PLXNA1: variants seen among roughly 807,000 people sequenced by gnomAD.
The protein encoded by PLXNA1 is plexin-A1.
PLXNA1 carries 77 observed loss-of-function variants against 191.7 expected under a neutral mutation model. The observed-to-expected ratio is 0.40, with a 90% CI of 0.33 to 0.49. The LOEUF (loss-of-function observed/expected upper bound fraction) is 0.49. Among genes scored for constraint, PLXNA1 ranks in the 20% least tolerant of loss-of-function variants. The pLI is 0.63. For missense variants in PLXNA1, 2,110 were observed against 2,660.2 expected, an observed-to-expected ratio of 0.79 and a Z score of 4.55; for synonymous variants, 1,137 against 1,156.4, an observed-to-expected ratio of 0.98 and a Z score of 0.34.
At chr3:126,999,862 G>A (rs745519454) in intron 3 of PLXNA1, among the ~76,000 whole-genome samples, 12 of 152,150 alleles carry the variant, frequency 7.9e-5, no homozygotes, top group Non-Finnish European at 1.6e-4. Context: ...CATGCCTGGC[G>A]TGGCCTGGGC....
intron 23 of PLXNA1, among the ~76,000 whole-genome samples, chr3:127,024,797 CT>C (rs949858897): frequency 9.9e-5 from 15 of 152,162 alleles, no homozygotes; most frequent in African/African-American, 2.9e-4. Flanking sequence ...TGGGCGCCCC[CT>C]GGATGGGACT....
At chr3:127,018,206 G>T in intron 19 of PLXNA1, 88 bp from the exon 20 acceptor site, 1 of 1,193,804 alleles carries the variant, frequency 8.4e-7, no homozygotes, top group Non-Finnish European at 1.2e-6. Flanking sequence ...ACAGGCAGGT[G>T]TTGGGGGTGG....
chr3:127,004,901 G>A lies in PLXNA1; in HGVS notation c.1636G>A (p.Ala546Thr), dbSNP rs1054622706. 5.6e-6 allele frequency: 9 copies of A among 1,601,558 alleles called. No homozygotes were observed. The highest frequency in any genetic ancestry group is 6.8e-6 in the Non-Finnish European group (8 of 1,172,398). ...VLHSICSRRD[A>T]CERADEPQRF... is the part of the protein sequence containing the mutation. Reference sequence around the variant, plus strand: ...TGCCTGCAGCTGCTCGCGGCGGGACGCCTGTGAGCGAGCAGACGAGCCCCA... The same window carrying A: ...TGCCTGCAGCTGCTCGCGGCGGGACACCTGTGAGCGAGCAGACGAGCCCCA... The change falls in exon 6 of 32, where the codon GCC (alanine) becomes ACC (threonine). Residue 546 changes from alanine (A) to threonine (T), a missense_variant. Coordinates refer to ENST00000393409, the MANE Select transcript of PLXNA1 (RefSeq NM_032242.4).
chr3:126,983,636 A>G (rs1292833150), intron 1 of PLXNA1, among the ~76,000 whole-genome samples: 1 of 147,380 alleles, frequency 6.8e-6, no homozygotes, highest in African/African-American at 2.5e-5. Flanking sequence ...GGGCCCGCCG[A>G]GCCCCGCGGC....
chr3:127,032,850 G>A lies in PLXNA1; in HGVS notation c.5595+14G>A, dbSNP rs752312064. 8 of 1,610,972 alleles carry A rather than the reference G, an allele frequency of 5.0e-6. No homozygotes were observed. In the South Asian group the frequency reaches 8.8e-5, roughly 18 times the overall value. On this transcript the variant is annotated intron_variant, in intron 31 of 31. Transcript: ENST00000393409. ...TACAAGGATGAGGTGAACACCGTGGGAGCCCACAGGCTGGGCTAGGAGGGC... is the reference window on the plus strand; with the variant it reads ...TACAAGGATGAGGTGAACACCGTGGAAGCCCACAGGCTGGGCTAGGAGGGC...
At chr3:127,005,356 C>A in intron 7 of PLXNA1, 113 bp downstream of exon 7, 1 of 1,313,484 alleles carries the variant, frequency 7.6e-7, no homozygotes, top group Non-Finnish European at 1.0e-6. Context: ...GTTGGTGACA[C>A]TCTGACAGCT....
rs2079247661 is a variant in PLXNA1, at chr3:127,037,049, T to TG, written c.*3033dup. On this transcript the variant is annotated 3_prime_UTR_variant, in exon 32 of 32. Transcript: ENST00000393409. The stretch of plus-strand genomic sequence containing the variant: ...GCGTGCCATCTCGGCTCGGCCTTGC[T>TG]GAGAGCCTCCGCCCTGGCTTTCTCC... 1 of 152,440 alleles carries TG rather than the reference T, an allele frequency of 6.6e-6. No individual in the cohort carries two copies. The highest frequency in any genetic ancestry group is 6.5e-5 in the Admixed American group (1 of 15,290). The allele number at this position is 152,440 out of a possible 1,614,324, so 9.4% of individuals were successfully genotyped here.
chr3:127,030,714 C>T (rs997082571), intron 29 of PLXNA1, among the ~76,000 whole-genome samples: 5 of 152,318 alleles, frequency 3.3e-5, no homozygotes, highest in Admixed American at 6.5e-5. Context: ...TGGGCTGCAG[C>T]GTGAGAAACA....
At chr3:127,015,137 C>T (rs753301367) in intron 14 of PLXNA1, 47 bp from the exon 15 acceptor site, 11 of 1,580,118 alleles carry the variant, frequency 7.0e-6, no homozygotes, top group South Asian at 2.3e-5. Context: ...CCATGTGGCC[C>T]GAGGGGGACT....
intron 1 of PLXNA1, among the ~76,000 whole-genome samples, chr3:126,985,255 C>A (rs2078952462): frequency 6.6e-6 from 1 of 152,120 alleles, no homozygotes; most frequent in African/African-American, 2.4e-5. Context: ...CGATCCCCTC[C>A]TGTCCAGGAG....
intron 28 of PLXNA1, 81 bp from the exon 29 acceptor site, chr3:127,030,162 T>C: frequency 6.3e-7 from 1 of 1,589,950 alleles, no homozygotes; most frequent in Non-Finnish European, 8.6e-7. Flanking sequence ...CATGCTCCCA[T>C]GGCCACTTGC....
intron 5 of PLXNA1, 44 bp from the exon 6 acceptor site, chr3:127,004,841 C>T (rs375776424): frequency 1.3e-5 from 20 of 1,565,796 alleles, no homozygotes; most frequent in Admixed American, 1.8e-5. Context: ...AGGCGGGCCC[C>T]GTAGGTCTCC....
chr3:127,001,296 G>A (rs1317938759), intron 3 of PLXNA1, among the ~76,000 whole-genome samples: 1 of 152,220 alleles, frequency 6.6e-6, no homozygotes, highest in Non-Finnish European at 1.5e-5. Flanking sequence ...TGCAGGCCGG[G>A]CCAGGGTCAG....
At position 127,027,936 on chromosome 3, in the gene PLXNA1, G is replaced by T; in HGVS notation, c.4363-4G>T. On this transcript the variant is annotated splice_polypyrimidine_tract_variant and splice_region_variant and intron_variant, in intron 23 of 31. Coordinates refer to ENST00000393409, the MANE Select transcript of PLXNA1 (RefSeq NM_032242.4). ...GCTGCAGCCTCATGCCGCCACCCCC[G>T]CAGGAGTGCGCTGGGGAGCCGCTGT... The T allele has an allele frequency of 5.0e-6, 8 of 1,613,154 alleles. No individual in the cohort carries two copies. Among genetic ancestry groups the T allele is most frequent in the Non-Finnish European group, 5.9e-6 (7 of 1,179,912 alleles).
chr3:127,018,604 C>A lies in PLXNA1; in HGVS notation c.3895+76C>A, dbSNP rs1310668479. ...CCTGGCCTGTCCCCACACCTACTTC[C>A]CACCGCCGCCCCCACCCTGCTTCAG... On this transcript the variant is annotated intron_variant, in intron 20 of 31. Coordinates refer to ENST00000393409, the MANE Select transcript of PLXNA1 (RefSeq NM_032242.4). 16 of 1,083,856 alleles carry A rather than the reference C, an allele frequency of 1.5e-5. No homozygotes were observed. In the South Asian group the frequency reaches 1.6e-4, roughly 11 times the overall value. 67.1% of individuals were successfully genotyped at this position (1,083,856 alleles called of 1,614,324 possible).
intron 15 of PLXNA1, among the ~76,000 whole-genome samples, chr3:127,015,946 A>C (rs1367010113): frequency 6.6e-6 from 1 of 152,144 alleles, no homozygotes; most frequent in Non-Finnish European, 1.5e-5. Context: ...AGGTATTCCC[A>C]CTGGGACAGG....
chr3:127,004,918 C>G lies in PLXNA1; in HGVS notation c.1653C>G (p.Asp551Glu), dbSNP rs147582354. 3 of 1,606,216 alleles carry G rather than the reference C, an allele frequency of 1.9e-6. No homozygotes were observed. Among genetic ancestry groups the G allele is most frequent in the South Asian group, 1.1e-5 (1 of 90,780 alleles). ...CSRRDACERA[D>E]EPQRFAADLL... ...GGCGGGACGCCTGTGAGCGAGCAGACGAGCCCCAGCGCTTTGCTGCGGACC... is the reference window on the plus strand; with the variant it reads ...GGCGGGACGCCTGTGAGCGAGCAGAGGAGCCCCAGCGCTTTGCTGCGGACC... Residue 551 changes from aspartate (D) to glutamate (E), a missense_variant, in exon 6 of 32, where the codon GAC (aspartate) becomes GAG (glutamate). By Grantham distance (45) the Asp-to-Glu change is conservative. This residue lies in a region of PLXNA1 where 903 missense variants were observed against 1,015.7 expected (regional missense o/e 0.89). Coordinates refer to ENST00000393409, the MANE Select transcript of PLXNA1 (RefSeq NM_032242.4).
intron 23 of PLXNA1, among the ~76,000 whole-genome samples, chr3:127,023,592 T>TG (rs759018680): frequency 6.6e-6 from 1 of 152,190 alleles, no homozygotes; most frequent in Admixed American, 6.5e-5. Flanking sequence ...ACTGACTGCC[T>TG]GGGTTCGATT....
intron 8 of PLXNA1, among the ~76,000 whole-genome samples, chr3:127,006,917 G>A (rs2079071138): frequency 6.6e-6 from 1 of 152,238 alleles, no homozygotes; most frequent in Non-Finnish European, 1.5e-5. Flanking sequence ...CCAGGCTGAG[G>A]CAGTAGGGTT....
Sources: gnomAD v4.1 joint callset for allele counts (sites outside exome capture counted in the v4.1 genomes callset) on GRCh38, gnomAD v4.1.1 for gene constraint, gnomAD v4.1.1 regional missense constraint, MANE v1.5 for transcripts, NCBI Gene and HGNC (gene_info 2026-07-23, HGNC 2026-07-21) for gene names.